SLC2A9: variants seen among roughly 807,000 people sequenced by gnomAD.
SLC2A9 encodes the protein solute carrier family 2 member 9, also known as solute carrier family 2, facilitated glucose transporter member 9.
In SLC2A9, 39 loss-of-function variants were observed where a neutral mutation model predicts 50.6. The observed-to-expected ratio is 0.77, with a 90% CI of 0.60 to 1.01. The LOEUF is 1.01. SLC2A9 is among the 50% of genes least tolerant of loss of function. The pLI is 0.00. For synonymous variants in SLC2A9, 324 were observed against 276.9 expected, an observed-to-expected ratio of 1.17 and a Z score of -1.69; for missense variants, 686 against 677.6, an observed-to-expected ratio of 1.01 and a Z score of -0.14.
At chr4:9,889,994 C>A (rs1184250038) in intron 9 of SLC2A9, among the ~76,000 whole-genome samples, 2 of 152,196 alleles carry the variant, frequency 1.3e-5, no homozygotes, top group African/African-American at 2.4e-5. Flanking sequence ...ATCGCCACCC[C>A]TCCTCCTTCA....
At chr4:10,028,284 G>A (rs1578389319) in intron 1 of SLC2A9, among the ~76,000 whole-genome samples, 1 of 152,330 alleles carries the variant, frequency 6.6e-6, no homozygotes, top group East Asian at 1.9e-4. Flanking sequence ...CCCTTTTCAT[G>A]AGAAAAGCCC....
chr4:10,007,342 T>A (rs1396004263), intron 2 of SLC2A9, among the ~76,000 whole-genome samples: 3 of 152,224 alleles, frequency 2.0e-5, no homozygotes, highest in Non-Finnish European at 4.4e-5. Flanking sequence ...AAGAGGCTCC[T>A]GTGCCTCCAG....
chr4:9,771,970 T>G lies in SLC2A9; in HGVS notation n.182-601A>C, dbSNP rs149628125. On this transcript the variant is annotated intron_variant and non_coding_transcript_variant, in intron 1 of 1. Coordinates refer to the SLC2A9 transcript ENST00000508585. ...TGGGGAAAGCTGGGGAAGCAAGAGA[T>G]GAGGCTGGACAAGCAGATTGTGAAG... 1.2e-3 allele frequency among the ~76,000 whole-genome samples: 187 copies of G among 152,220 alleles called. 2 individuals carry two copies. The South Asian group carries it at 0.015, about 12-fold the overall frequency.
rs953650323 is a variant in SLC2A9 at position 9,934,423 on chromosome 4, G to A, written c.814+7490C>T. ...CAAACTACTTTGCCCTGCTTCTTGT[G>A]TCCCAAAACAGCTATGTCCCTAAGA... On this transcript the variant is annotated intron_variant, in intron 6 of 11. Coordinates refer to ENST00000264784, the MANE Select transcript of SLC2A9 (RefSeq NM_020041.3). 1.2e-4 allele frequency among the ~76,000 whole-genome samples: 18 copies of A among 152,296 alleles called. No homozygotes were observed. In the East Asian group the frequency reaches 3.5e-3, roughly 29 times the overall value.
chr4:9,813,484 T>C (rs1319815369), intron 3 of SLC2A9, among the ~76,000 whole-genome samples: 2 of 152,202 alleles, frequency 1.3e-5, no homozygotes, highest in Admixed American at 1.3e-4. Flanking sequence ...TGGAGCCACA[T>C]TCATTCCCTT....
chr4:10,015,075 AAT>A (rs1762392827), intron 2 of SLC2A9, among the ~76,000 whole-genome samples: 1 of 152,196 alleles, frequency 6.6e-6, no homozygotes, highest in Non-Finnish European at 1.5e-5. Context: ...GGATTCAGAC[AAT>A]CACAGGTGCC....
At chr4:9,811,672 G>A (rs1722911548) in intron 3 of SLC2A9, among the ~76,000 whole-genome samples, 2 of 152,188 alleles carry the variant, frequency 1.3e-5, no homozygotes, top group African/African-American at 2.4e-5. Flanking sequence ...TTGCCCAGCT[G>A]AGCCTGAATT....
intron 2 of SLC2A9, among the ~76,000 whole-genome samples, chr4:9,999,383 AGT>A (rs150059195): frequency 4.6e-5 from 7 of 151,134 alleles, no homozygotes; most frequent in Admixed American, 3.3e-4. Context: ...CAGTCTTTAA[AGT>A]GTGTGTGTGT....
At chr4:10,023,783 A>T (rs1026663221), upstream of SLC2A9, among the ~76,000 whole-genome samples, 1 of 152,162 alleles carries the variant, frequency 6.6e-6, no homozygotes, top group African/African-American at 2.4e-5. Context: ...CCTCAGAGGA[A>T]CTATCAGACC....
intron 1 of SLC2A9, among the ~76,000 whole-genome samples, chr4:10,020,409 T>A (rs1763362829): frequency 6.6e-6 from 1 of 152,094 alleles, no homozygotes; most frequent in African/African-American, 2.4e-5. Context: ...CATATGTTGT[T>A]GAGGAGCCTG....
At chr4:9,783,336 G>T (rs867973828) in intron 3 of SLC2A9, 6 of 1,614,106 alleles carry the variant, frequency 3.7e-6, no homozygotes, top group East Asian at 2.2e-5. Flanking sequence ...CCTTTCGATC[G>T]CATGTTCCAG....
intron 7 of SLC2A9, among the ~76,000 whole-genome samples, chr4:9,912,692 T>A (rs1053890275): frequency 1.3e-5 from 2 of 151,954 alleles, no homozygotes; most frequent in South Asian, 2.1e-4. Context: ...AGAGTATGGG[T>A]TTAATTTATG....
At chr4:9,924,109 T>A (rs1225262541) in intron 6 of SLC2A9, 1 of 152,116 alleles carries the variant, frequency 6.6e-6, no homozygotes, top group Non-Finnish European at 1.5e-5. Flanking sequence ...GCTGGGCATA[T>A]GGTGATTAAA....
At chr4:9,784,935 A>G (rs1352626010) in intron 3 of SLC2A9, among the ~76,000 whole-genome samples, 4 of 152,220 alleles carry the variant, frequency 2.6e-5, no homozygotes, top group East Asian at 3.8e-4. Context: ...TTCCTGGCAC[A>G]TAGTGCTTAA....
At chr4:9,772,298 G>A (rs1488825335) in intron 1 of SLC2A9, among the ~76,000 whole-genome samples, 1 of 152,208 alleles carries the variant, frequency 6.6e-6, no homozygotes, top group Non-Finnish European at 1.5e-5. Flanking sequence ...TTGAGATAAT[G>A]AATCAATGAT....
rs566624863 is a variant in SLC2A9, at chr4:9,940,122, C to A, written c.814+1791G>T. Among the ~76,000 whole-genome samples the A allele has an allele frequency of 2.0e-5, 3 of 152,284 alleles. No homozygotes were observed. In the East Asian group the frequency reaches 5.8e-4, roughly 29 times the overall value. ...TTTCTCAAGAGAGCCAGAGGGGGTG[C>A]GGGTTACCCTCCCAGGCTAGTAGAG... On this transcript the variant is annotated intron_variant, in intron 6 of 11. Coordinates refer to ENST00000264784, the MANE Select transcript of SLC2A9 (RefSeq NM_020041.3).
chr4:9,922,219 C>T (rs1226237559), intron 6 of SLC2A9, among the ~76,000 whole-genome samples: 2 of 151,866 alleles, frequency 1.3e-5, no homozygotes, highest in Non-Finnish European at 2.9e-5. Flanking sequence ...AACGCCGGAA[C>T]AGAAAACCGA....
chr4:9,785,569 A>G (rs1719111855), intron 3 of SLC2A9, among the ~76,000 whole-genome samples: 1 of 152,240 alleles, frequency 6.6e-6, no homozygotes, highest in Non-Finnish European at 1.5e-5. Flanking sequence ...ATCTTTTGTG[A>G]AAAACACTGT....
At chr4:9,880,534 G>A (rs537286948) in intron 10 of SLC2A9, 9 of 985,300 alleles carry the variant, frequency 9.1e-6, no homozygotes, top group Admixed American at 1.2e-4. Context: ...AAAAGTCTTG[G>A]GAGGGCTTAG....
Sources: gnomAD v4.1 joint callset for allele counts (sites outside exome capture counted in the v4.1 genomes callset) on GRCh38, gnomAD v4.1.1 for gene constraint, MANE v1.5 for transcripts, NCBI Gene and HGNC (gene_info 2026-07-23, HGNC 2026-07-21) for gene names.